LIN54: variants seen among roughly 807,000 people sequenced by gnomAD.
LIN54 encodes the protein lin-54 DREAM MuvB core complex component, also known as protein lin-54 homolog.
LIN54 carries 9 observed loss-of-function variants against 78.7 expected under a neutral mutation model. That is an observed-to-expected ratio of 0.11 (90% CI 0.07 to 0.20). The LOEUF (loss-of-function observed/expected upper bound fraction) is 0.20. Among genes scored for constraint, LIN54 ranks in the 10% least tolerant of loss-of-function variants. The pLI is 1.00. For missense variants in LIN54, 573 were observed against 889.9 expected (o/e 0.64, Z 4.53); for synonymous variants, 269 against 318.4 (o/e 0.84, Z 1.65).
chr4:82,937,984 T>C (rs1479196313), intron 8 of LIN54, among the ~76,000 whole-genome samples: 1 of 151,866 alleles, frequency 6.6e-6, no homozygotes. Context: ...ATTTAAAAAT[T>C]AGGAGAGCAT....
chr4:82,947,226 TATATATATA>T (rs1560733336), intron 4 of LIN54, among the ~76,000 whole-genome samples: 7 of 28,190 alleles, frequency 2.5e-4, no homozygotes, highest in African/African-American at 7.1e-4. Context: ...TATATATATA[TATATATATA>T]TTTTTTTTTT....
chr4:83,007,132 T>A (rs1007953221), intron 1 of LIN54, among the ~76,000 whole-genome samples: 2 of 151,672 alleles, frequency 1.3e-5, no homozygotes, highest in African/African-American at 4.8e-5. Flanking sequence ...AGAGTGAAAC[T>A]CCGTCTCAAA....
chr4:82,966,851 T>C (rs535929946), intron 4 of LIN54, among the ~76,000 whole-genome samples: 14 of 152,078 alleles, frequency 9.2e-5, no homozygotes, highest in Admixed American at 5.9e-4. Flanking sequence ...TCAGGTGATC[T>C]GCCCACCTCA....
intron 5 of LIN54, among the ~76,000 whole-genome samples, chr4:82,943,200 C>G (rs903429591): frequency 6.6e-6 from 1 of 152,070 alleles, no homozygotes; most frequent in Non-Finnish European, 1.5e-5. Context: ...TTTAGAATAG[C>G]CTCCTTCCAA....
At chr4:82,932,068 T>G (rs987512600) in intron 11 of LIN54, among the ~76,000 whole-genome samples, 1 of 151,936 alleles carries the variant, frequency 6.6e-6, no homozygotes, top group Admixed American at 6.6e-5. Context: ...TTGGGCTCAC[T>G]GGTTAACAGG....
At chr4:82,984,972 A>G (rs1726993573) in intron 1 of LIN54, 96 bp from the exon 2 acceptor site, 1 of 749,994 alleles carries the variant, frequency 1.3e-6, no homozygotes, top group South Asian at 1.8e-5. Flanking sequence ...GACAATTTTT[A>G]AATTGATATA....
At chr4:82,956,106 C>T (rs1262339531) in intron 4 of LIN54, among the ~76,000 whole-genome samples, 1 of 151,940 alleles carries the variant, frequency 6.6e-6, no homozygotes. Context: ...TGCTACCACG[C>T]GCGGCTAAAT....
chr4:83,012,873 G>C (rs995579170), upstream of LIN54: 1 of 152,024 alleles, frequency 6.6e-6, no homozygotes, highest in African/African-American at 2.4e-5. Flanking sequence ...GCGCCTCCGA[G>C]ACACAGACCA....
At chr4:82,991,292 GT>G (rs1272708611) in intron 1 of LIN54, among the ~76,000 whole-genome samples, 1 of 151,776 alleles carries the variant, frequency 6.6e-6, no homozygotes, top group African/African-American at 2.4e-5. Context: ...AGTATTTCAT[GT>G]TTTTTGATGC....
intron 11 of LIN54, 91 bp downstream of exon 11, chr4:82,935,890 G>A (rs1481679035): frequency 7.8e-7 from 1 of 1,282,718 alleles, no homozygotes; most frequent in Admixed American, 1.7e-5. Flanking sequence ...GCAATAGCAA[G>A]GTGATTTCCC....
At chr4:82,959,159 T>C (rs1451926719) in intron 4 of LIN54, among the ~76,000 whole-genome samples, 2 of 151,778 alleles carry the variant, frequency 1.3e-5, no homozygotes, top group Non-Finnish European at 1.5e-5. Flanking sequence ...CATACTTCCC[T>C]GAAACAAAAA....
intron 1 of LIN54, among the ~76,000 whole-genome samples, chr4:83,006,216 G>A (rs1417423866): frequency 6.6e-6 from 1 of 152,188 alleles, no homozygotes; most frequent in African/African-American, 2.4e-5. Context: ...TTGGGAGGCT[G>A]AGGTGGGCGG....
At chr4:82,961,152 T>C (rs1037882451) in intron 4 of LIN54, among the ~76,000 whole-genome samples, 3 of 152,208 alleles carry the variant, frequency 2.0e-5, no homozygotes, top group Admixed American at 1.3e-4. Context: ...TGATGGGCTA[T>C]TTGGAGAGAA....
intron 1 of LIN54, among the ~76,000 whole-genome samples, chr4:82,986,702 CAAAAAAAAAAAAAA>C (rs70943178): frequency 5.8e-5 from 4 of 68,750 alleles, no homozygotes; most frequent in Admixed American, 5.5e-4. Context: ...GACCCCATCT[CAAAAAAAAAAAAAA>C]AAAAAAAAAA....
intron 1 of LIN54, among the ~76,000 whole-genome samples, chr4:83,001,772 C>T (rs1174631603): frequency 4.8e-5 from 7 of 145,584 alleles, no homozygotes; most frequent in Non-Finnish European, 7.5e-5. Context: ...GGCATGAACC[C>T]GGGAGGCAGA....
intron 4 of LIN54, among the ~76,000 whole-genome samples, chr4:82,955,379 CAT>C (rs1021159593): frequency 1.4e-5 from 2 of 148,132 alleles, no homozygotes; most frequent in African/African-American, 5.2e-5. Context: ...AATAACATAA[CAT>C]AACATAACAT....
chr4:83,010,761 C>T lies in LIN54; in HGVS notation c.-310G>A. The T allele has an allele frequency of 8.1e-7, 1 of 1,231,152 alleles. No homozygotes were observed. The highest frequency in any genetic ancestry group is 1.0e-6 in the Non-Finnish European group (1 of 987,782). 76.3% of individuals were successfully genotyped at this position (1,231,152 alleles called of 1,614,324 possible). The stretch of plus-strand genomic sequence containing the variant: ...GCCATTTTCACCTCGTCATCACCAT[C>T]ACAGCTCAGCAGCTTCCCCGACAGC... On this transcript the variant is annotated 5_prime_UTR_variant, in exon 1 of 13. Transcript: ENST00000340417.
At chr4:82,982,080 A>G (rs1161742012) in intron 2 of LIN54, among the ~76,000 whole-genome samples, 1 of 151,950 alleles carries the variant, frequency 6.6e-6, no homozygotes, top group Non-Finnish European at 1.5e-5. Context: ...TAAGAATTAG[A>G]CCCCAGTCTT....
intron 1 of LIN54, 42 bp from the exon 2 acceptor site, chr4:82,984,918 A>C (rs990063254): frequency 2.2e-5 from 31 of 1,392,586 alleles, no homozygotes; most frequent in Non-Finnish European, 2.9e-5. Flanking sequence ...CTAGGTTTCA[A>C]AAGATGTAAG....
Sources: allele counts gnomAD v4.1 joint callset (sites outside exome capture counted in the v4.1 genomes callset), GRCh38; gene constraint gnomAD v4.1.1; transcripts MANE v1.5; gene names NCBI Gene and HGNC (gene_info 2026-07-23, HGNC 2026-07-21).